The following GAD2 variants were observed in gnomAD, a reference collection of about 807,000 sequenced individuals.
GAD2 encodes the protein 65 kDa glutamic acid decarboxylase.
Under a neutral mutation model 80.1 loss-of-function variants are expected in GAD2, and 22 were observed. The ratio of observed to expected loss-of-function variants is 0.27; its 90% CI spans 0.20 to 0.39. The LOEUF (loss-of-function observed/expected upper bound fraction) is 0.39. GAD2 is among the 10% of genes least tolerant of loss of function. The pLI, the probability that GAD2 is intolerant of heterozygous loss-of-function variation, is 1.00. For synonymous variants in GAD2, 274 were observed against 256.9 expected (o/e 1.07, Z -0.64); for missense variants, 624 against 738.4 (o/e 0.85, Z 1.80).
intron 4 of GAD2, among the ~76,000 whole-genome samples, chr10:26,221,021 A>G (rs1844446231): frequency 6.6e-6 from 1 of 152,266 alleles, no homozygotes; most frequent in Non-Finnish European, 1.5e-5. Context: ...TAAGCAAGGC[A>G]TATCAATTCA....
chr10:26,266,489 C>G (rs1343316127), intron 8 of GAD2, among the ~76,000 whole-genome samples: 2 of 152,166 alleles, frequency 1.3e-5, no homozygotes, highest in Non-Finnish European at 2.9e-5. Context: ...ATATTAATAG[C>G]CTTGGGTTAA....
At position 26,292,403 on chromosome 10, in the gene GAD2, A is replaced by G. The variant is rs139444021; in HGVS notation, c.1387-62A>G. On this transcript the variant is annotated intron_variant, in intron 13 of 15. Coordinates refer to ENST00000376261, the MANE Select transcript of GAD2 (RefSeq NM_001134366.2). The stretch of plus-strand genomic sequence containing the variant: ...GACGGCAGGATGACGGTCAGTCTCC[A>G]GGGAAATCGCTTCCTCCGCACTCTT... 3.9e-3 allele frequency: 4,729 copies of G among 1,222,514 alleles called. 24 individuals carry two copies. The highest frequency in any genetic ancestry group is 7.6e-3 in the South Asian group (612 of 80,510). The allele number at this position is 1,222,514 out of a possible 1,614,324, so 75.7% of individuals were successfully genotyped here.
intron 13 of GAD2, among the ~76,000 whole-genome samples, chr10:26,286,831 A>G (rs554822713): frequency 3.3e-5 from 5 of 152,172 alleles, no homozygotes; most frequent in African/African-American, 1.2e-4. Context: ...CCAGTGATTG[A>G]TCACCTGGGT....
At chr10:26,233,986 C>G (rs1049405737) in intron 7 of GAD2, among the ~76,000 whole-genome samples, 4 of 152,112 alleles carry the variant, frequency 2.6e-5, no homozygotes, top group African/African-American at 9.7e-5. Context: ...GCCTCAGTGC[C>G]TGGGACACAG....
Position 26,216,865 on chromosome 10 carries a change from A to T in GAD2, c.56A>T (p.Asp19Val), listed in dbSNP as rs761800765. 2.5e-6 allele frequency: 4 copies of T among 1,611,012 alleles called. No individual in the cohort carries two copies. In the South Asian group the frequency reaches 4.4e-5, roughly 18 times the overall value. The change falls in exon 1 of 16, where the codon GAT becomes GTT. Residue 19 changes from aspartate (D) to valine (V), a missense_variant. Coordinates refer to ENST00000376261, the MANE Select transcript of GAD2 (RefSeq NM_001134366.2). The surrounding 1 kb of genome is among the most constrained non-coding windows in gnomAD (Gnocchi z 4.7). Reference protein sequence around the residue: ...WSFGSEDGSGDSENPGTARAW... With the variant: ...WSFGSEDGSGVSENPGTARAW... ...TTCGGGTCGGAAGATGGCTCTGGGG[A>T]TTCCGAGAATCCCGGCACAGGTAGG...
chr10:26,228,944 C>T (rs374962756), intron 6 of GAD2, among the ~76,000 whole-genome samples: 18 of 152,130 alleles, frequency 1.2e-4, no homozygotes, highest in African/African-American at 4.3e-4. Context: ...AATCCTAGCA[C>T]TTTGGGAGGC....
At chr10:26,264,758 T>C (rs1290929605) in intron 8 of GAD2, among the ~76,000 whole-genome samples, 1 of 152,240 alleles carries the variant, frequency 6.6e-6, no homozygotes, top group Non-Finnish European at 1.5e-5. Context: ...TCATTTATCG[T>C]TGCTGCTGAT....
chr10:26,270,278 T>C (rs1029857471), intron 9 of GAD2, among the ~76,000 whole-genome samples: 6 of 152,254 alleles, frequency 3.9e-5, no homozygotes, highest in East Asian at 1.9e-4. Context: ...AGAGGCCTCG[T>C]TGTGAATAAG....
Position 26,216,878 on chromosome 10 carries a change from C to T in GAD2, c.69C>T (p.Pro23=), listed in dbSNP as rs1175743107. ...ATGGCTCTGGGGATTCCGAGAATCC[C>T]GGCACAGGTAGGAAGGAGAACGGGG... ...SEDGSGDSEN[P]GTARAWCQVA... Residue 23 remains proline, a synonymous_variant, in exon 1 of 16, where the codon CCC becomes CCT. Transcript: ENST00000376261. The surrounding 1 kb of genome is among the most constrained non-coding windows in gnomAD (Gnocchi z 4.7). 2.5e-6 allele frequency: 4 copies of T among 1,610,810 alleles called. No individual in the cohort carries two copies. In the East Asian group the frequency reaches 9.0e-5, roughly 36 times the overall value.
chr10:26,229,512 T>G (rs1305946225), intron 6 of GAD2, 150 bp from the exon 7 acceptor site: 1 of 610,110 alleles, frequency 1.6e-6, no homozygotes, highest in African/African-American at 1.9e-5. Context: ...GGGTAGCGCC[T>G]TTGAGTCTGA....
At chr10:26,272,339 C>T (rs1296183355) in intron 10 of GAD2, among the ~76,000 whole-genome samples, 3 of 152,260 alleles carry the variant, frequency 2.0e-5, no homozygotes, top group South Asian at 4.1e-4. Flanking sequence ...TACCCGGCAA[C>T]TTCAAAAATG....
At chr10:26,244,795 A>G (rs1844784434) in intron 7 of GAD2, among the ~76,000 whole-genome samples, 1 of 152,148 alleles carries the variant, frequency 6.6e-6, no homozygotes, top group Non-Finnish European at 1.5e-5. Context: ...CTGAAGATGG[A>G]TGGAGGTGAT....
At chr10:26,235,169 C>T (rs539824542) in intron 7 of GAD2, among the ~76,000 whole-genome samples, 8 of 152,326 alleles carry the variant, frequency 5.3e-5, no homozygotes, top group African/African-American at 9.6e-5. Context: ...CCACTGTGCC[C>T]GGCCCCGTTA....
chr10:26,281,204 T>C (rs1411368196), intron 12 of GAD2, 117 bp downstream of exon 12: 1 of 659,828 alleles, frequency 1.5e-6, no homozygotes, highest in Admixed American at 2.5e-5. Flanking sequence ...CCTACTCACA[T>C]TCCCCAGAGA....
intron 7 of GAD2, among the ~76,000 whole-genome samples, chr10:26,237,387 A>G (rs1446437770): frequency 6.6e-6 from 1 of 151,948 alleles, no homozygotes; most frequent in East Asian, 1.9e-4. Flanking sequence ...TCATCTGTAA[A>G]ATGGGGATGA....
chr10:26,270,515 T>TCTG, intron 9 of GAD2, 125 bp from the exon 10 acceptor site: 1 of 746,918 alleles, frequency 1.3e-6, no homozygotes, highest in East Asian at 2.5e-5. Flanking sequence ...TGTCAGTAAC[T>TCTG]CTGCTGCTGC....
intron 8 of GAD2, among the ~76,000 whole-genome samples, chr10:26,256,044 T>C (rs1159741157): frequency 6.6e-6 from 1 of 152,146 alleles, no homozygotes; most frequent in Non-Finnish European, 1.5e-5. Flanking sequence ...TTTTTTTACA[T>C]TGTATTATTA....
In GAD2 at chr10:26,266,115, C is replaced by T. The variant is rs1845070570; in HGVS notation, c.921-3004C>T. ...ACTGATGAACATGCAAATTCTTGTG[C>T]ATATTTGTCTTTTTATCAGTTTATT... On this transcript the variant is annotated intron_variant, in intron 8 of 15. Coordinates refer to ENST00000376261, the MANE Select transcript of GAD2 (RefSeq NM_001134366.2). 2.0e-5 allele frequency among the ~76,000 whole-genome samples: 3 copies of T among 152,176 alleles called. No individual in the cohort carries two copies. The South Asian group carries it at 6.2e-4, about 32-fold the overall frequency.
rs750399566 is a variant in GAD2 at position 26,286,488 on chromosome 10, G to A, written c.1380G>A (p.Arg460=). 14 of 1,612,460 alleles carry A rather than the reference G, an allele frequency of 8.7e-6. No individual in the cohort carries two copies. Among genetic ancestry groups the A allele is most frequent in the Admixed American group, 1.7e-5 (1 of 59,514 alleles). The change falls in exon 13 of 16, where the codon AGG becomes AGA. Residue 460 remains arginine (R), a synonymous_variant. Transcript: ENST00000376261. ...VDVFKLWLMW[R]AKGTTGFEAH... is the part of the protein sequence containing the mutation. ...TTTTTAAACTATGGCTGATGTGGAGGGCAAAGGTGAGTATGTATGGACCAG... is the reference window on the plus strand; with the variant it reads ...TTTTTAAACTATGGCTGATGTGGAGAGCAAAGGTGAGTATGTATGGACCAG...
Sources: gnomAD v4.1 joint callset for allele counts (sites outside exome capture counted in the v4.1 genomes callset) on GRCh38, gnomAD v4.1.1 for gene constraint, Gnocchi (gnomAD v3.1) non-coding constraint, MANE v1.5 for transcripts, NCBI Gene and HGNC (gene_info 2026-07-23, HGNC 2026-07-21) for gene names.